The following SIPA1L3 variants were observed in gnomAD, a reference collection of about 807,000 sequenced individuals.
SIPA1L3 encodes the protein signal-induced proliferation-associated 1-like protein 3.
In SIPA1L3, 59 loss-of-function variants were observed where a neutral mutation model predicts 150.1. The ratio of observed to expected loss-of-function variants is 0.39; its 90% confidence interval spans 0.32 to 0.49. The LOEUF is 0.49. SIPA1L3 is among the 20% of genes least tolerant of loss of function. The pLI, the probability that SIPA1L3 is intolerant of heterozygous loss-of-function variation, is 0.86. For missense variants in SIPA1L3, 2,211 were observed against 2,489.5 expected (o/e 0.89, Z 2.38); for synonymous variants, 1,070 against 1,077.6 (o/e 0.99, Z 0.14).
At chr19:38,159,838 T>C (rs2145975128) in intron 13 of SIPA1L3, among the ~76,000 whole-genome samples, 1 of 152,288 alleles carries the variant, frequency 6.6e-6, no homozygotes, top group East Asian at 1.9e-4. Context: ...ACACGCTTAA[T>C]GGGAATTATC....
Position 38,142,694 on chromosome 19 carries a change from A to G in SIPA1L3, c.3517A>G (p.Lys1173Glu), listed in dbSNP as rs894399758. The G allele has an allele frequency of 3.1e-6, 5 of 1,613,544 alleles. No individual in the cohort carries two copies. In the African/African-American group the frequency reaches 5.3e-5, roughly 17 times the overall value. Residue 1173 changes from lysine to glutamate, a missense_variant, in exon 12 of 22, where the codon AAG (lysine) becomes GAG (glutamate). Lys to Glu is a moderately conservative substitution (Grantham distance 56). Coordinates refer to ENST00000222345, the MANE Select transcript of SIPA1L3 (RefSeq NM_015073.3). Reference sequence around the variant, plus strand: ...CGGTTCGGCCACCTACGTGAGATACAAGCCATCCCCAGAAAGGTCAGCCTC... The same window carrying G: ...CGGTTCGGCCACCTACGTGAGATACGAGCCATCCCCAGAAAGGTCAGCCTC... ...TPGSATYVRY[K>E]PSPERYTAAP... is the part of the protein sequence containing the mutation.
At chr19:37,921,603 CTTT>C (rs143004129) in intron 1 of SIPA1L3, among the ~76,000 whole-genome samples, 7 of 142,028 alleles carry the variant, frequency 4.9e-5, no homozygotes, top group Non-Finnish European at 4.6e-5. Flanking sequence ...CTTTTTCTTT[CTTT>C]TTTTTTTTTT....
At chr19:37,932,337 A>T (rs2046561685) in intron 1 of SIPA1L3, 2 of 152,224 alleles carry the variant, frequency 1.3e-5, no homozygotes, top group Non-Finnish European at 2.9e-5. Flanking sequence ...CACGTGTCTG[A>T]TGAGTAAGGA....
At chr19:37,920,248 G>A (rs1464112799) in intron 1 of SIPA1L3, among the ~76,000 whole-genome samples, 1 of 151,816 alleles carries the variant, frequency 6.6e-6, no homozygotes, top group African/African-American at 2.4e-5. Flanking sequence ...TTGTAGAGAT[G>A]GGATCTCTCT....
chr19:38,143,597 G>A (rs1460587114), intron 12 of SIPA1L3, among the ~76,000 whole-genome samples: 1 of 134,902 alleles, frequency 7.4e-6, no homozygotes, highest in Non-Finnish European at 1.5e-5. Context: ...GGAGTGCAGT[G>A]GCGCAATCTC....
intron 9 of SIPA1L3, among the ~76,000 whole-genome samples, chr19:38,128,872 G>T (rs1367902364): frequency 6.6e-6 from 1 of 152,002 alleles, no homozygotes; most frequent in African/African-American, 2.4e-5. Flanking sequence ...ACTCCAGCCT[G>T]GGCGACAGCG....
At chr19:38,145,534 C>CAAAAAA (rs35073920) in intron 12 of SIPA1L3, among the ~76,000 whole-genome samples, 4 of 94,272 alleles carry the variant, frequency 4.2e-5, no homozygotes, top group African/African-American at 4.3e-5. Flanking sequence ...AACTCCGTCT[C>CAAAAAA]AAAAAAAAAA....
chr19:38,195,916 G>C (rs1056052632), intron 18 of SIPA1L3, among the ~76,000 whole-genome samples: 1 of 151,686 alleles, frequency 6.6e-6, no homozygotes, highest in Non-Finnish European at 1.5e-5. Flanking sequence ...CATACCGGGG[G>C]CCCCCCAAAG....
intron 1 of SIPA1L3, among the ~76,000 whole-genome samples, chr19:37,909,816 G>A (rs914318641): frequency 6.6e-6 from 1 of 152,210 alleles, no homozygotes; most frequent in Non-Finnish European, 1.5e-5. Context: ...AGGCTGGGAA[G>A]GGAATTTATT....
chr19:37,937,297 G>A (rs1012920239), intron 1 of SIPA1L3, among the ~76,000 whole-genome samples: 1 of 152,152 alleles, frequency 6.6e-6, no homozygotes, highest in African/African-American at 2.4e-5. Context: ...TTAGCCCACT[G>A]TTTGCCCAAG....
rs890649013 is a variant in SIPA1L3, at chr19:38,182,624, C to T, written c.4314C>T (p.Ser1438=). 8.1e-6 allele frequency: 13 copies of T among 1,614,172 alleles called. No individual in the cohort carries two copies. The highest frequency in any genetic ancestry group is 2.2e-5 in the East Asian group (1 of 44,886). Residue 1438 remains serine (S), a synonymous_variant, in exon 16 of 22, where the codon TCC becomes TCT. Transcript: ENST00000222345. ...QLAQPSPFQL[S]ASVPKSFFSK... is the part of the protein sequence containing the mutation. ...CCCAGCCCAGCCCCTTTCAGCTCTC[C>T]GCCTCCGTCCCCAAGTCCTTCTTCT... is the stretch of plus-strand genomic sequence containing the variant.
intron 1 of SIPA1L3, among the ~76,000 whole-genome samples, chr19:37,923,162 C>T (rs1313001578): frequency 6.6e-6 from 1 of 151,652 alleles, no homozygotes; most frequent in Non-Finnish European, 1.5e-5. Flanking sequence ...AAGTACAACA[C>T]GCACCGTGTC....
chr19:38,022,523 C>T (rs1163032693), intron 1 of SIPA1L3, among the ~76,000 whole-genome samples: 6 of 148,440 alleles, frequency 4.0e-5, no homozygotes, highest in African/African-American at 1.6e-4. Flanking sequence ...CATGGTGAAA[C>T]CCCGTCTCTA....
intron 1 of SIPA1L3, among the ~76,000 whole-genome samples, chr19:37,962,455 C>T (rs182008634): frequency 7.6e-5 from 8 of 104,774 alleles, no homozygotes; most frequent in African/African-American, 3.5e-4. Context: ...TGAGCCACTG[C>T]AGCCGGCCTT....
chr19:38,002,970 C>T (rs1222511480), intron 1 of SIPA1L3, among the ~76,000 whole-genome samples: 1 of 151,522 alleles, frequency 6.6e-6, no homozygotes, highest in African/African-American at 2.4e-5. Flanking sequence ...GTGGTGAAAC[C>T]CGATCTCTAC....
chr19:38,136,183 CAAAAAA>C (rs56146390), intron 10 of SIPA1L3, among the ~76,000 whole-genome samples: 29 of 44,112 alleles, frequency 6.6e-4, no homozygotes, highest in East Asian at 1.6e-3. Flanking sequence ...GAGACTGTCT[CAAAAAA>C]AAAAAAAAAA....
At chr19:38,044,885 C>A (rs376882935) in intron 2 of SIPA1L3, among the ~76,000 whole-genome samples, 2 of 152,156 alleles carry the variant, frequency 1.3e-5, no homozygotes, top group East Asian at 3.9e-4. Flanking sequence ...GTGCCACCAA[C>A]AGGACTGACG....
chr19:38,156,750 G>A (rs189391254), intron 13 of SIPA1L3, among the ~76,000 whole-genome samples: 19 of 152,168 alleles, frequency 1.2e-4, no homozygotes, highest in South Asian at 4.1e-4. Flanking sequence ...GCTTGAACCC[G>A]GGAGACAGAG....
intron 19 of SIPA1L3, among the ~76,000 whole-genome samples, chr19:38,201,346 G>A (rs117070601): frequency 0.024 from 3,689 of 152,340 alleles, 70 homozygotes; most frequent in Non-Finnish European, 0.04. Context: ...TGGCAGCCCC[G>A]TGCGATTTCT....
Sources: gnomAD v4.1 joint callset for allele counts (sites outside exome capture counted in the v4.1 genomes callset) on GRCh38, gnomAD v4.1.1 for gene constraint, MANE v1.5 for transcripts, NCBI Gene and HGNC (gene_info 2026-07-23, HGNC 2026-07-21) for gene names.